TBC1D31: variants seen among roughly 807,000 people sequenced by gnomAD.
TBC1D31 encodes TBC1 domain family member 31, also known as WD repeat domain 67.
TBC1D31 carries 99 observed loss-of-function variants against 132.9 expected under a neutral mutation model. The observed-to-expected ratio is 0.74, with a 90% CI of 0.63 to 0.88. The LOEUF (loss-of-function observed/expected upper bound fraction) is 0.88. Among genes scored for constraint, TBC1D31 ranks in the 40% least tolerant of loss-of-function variants. The pLI is 0.00. For synonymous variants in TBC1D31, 385 were observed against 419.4 expected (o/e 0.92, Z 1.00); for missense variants, 1,134 against 1,256.6 (o/e 0.90, Z 1.48).
intron 18 of TBC1D31, among the ~76,000 whole-genome samples, chr8:123,141,844 C>CT (rs1160750679): frequency 0.089 from 4,636 of 51,876 alleles, 1,363 homozygotes; most frequent in East Asian, 0.098. Context: ...TTGAAGAGCT[C>CT]TTTTTTTTTT....
At chr8:123,092,873 G>A (rs541237166) in intron 4 of TBC1D31, among the ~76,000 whole-genome samples, 3 of 146,320 alleles carry the variant, frequency 2.1e-5, no homozygotes, top group Non-Finnish European at 3.0e-5. Context: ...GTGCGGTGGC[G>A]GGGTCTTGGC....
At chr8:123,073,599 A>G (rs1448016628) in intron 1 of TBC1D31, among the ~76,000 whole-genome samples, 2 of 152,208 alleles carry the variant, frequency 1.3e-5, no homozygotes, top group African/African-American at 4.8e-5. Flanking sequence ...CGATTTCTGC[A>G]CGCAGAGTGA....
intron 10 of TBC1D31, 85 bp downstream of exon 10, chr8:123,109,705 G>A: frequency 1.6e-6 from 2 of 1,278,244 alleles, no homozygotes; most frequent in Non-Finnish European, 2.2e-6. Flanking sequence ...ATAAAATATT[G>A]TTTTGTCAGT....
intron 11 of TBC1D31, among the ~76,000 whole-genome samples, chr8:123,120,935 A>G (rs546778009): frequency 1.4e-3 from 202 of 149,406 alleles, no homozygotes; most frequent in African/African-American, 4.6e-3. Context: ...ATCTTCTTGG[A>G]TATTTAGATT....
chr8:123,095,496 G>T (rs1816757627), intron 5 of TBC1D31, among the ~76,000 whole-genome samples: 1 of 152,060 alleles, frequency 6.6e-6, no homozygotes, highest in Admixed American at 6.5e-5. Flanking sequence ...GTAATGAATT[G>T]GTTTATTAGC....
chr8:123,093,904 A>G (rs1816597404), intron 5 of TBC1D31, among the ~76,000 whole-genome samples, 162 bp downstream of exon 5: 1 of 152,166 alleles, frequency 6.6e-6, no homozygotes, highest in African/African-American at 2.4e-5. Context: ...TTTGCAAAAT[A>G]TCAAATATAC....
intron 4 of TBC1D31, among the ~76,000 whole-genome samples, chr8:123,092,323 C>T (rs1816406156): frequency 6.6e-6 from 1 of 152,016 alleles, no homozygotes; most frequent in Admixed American, 6.6e-5. Context: ...CCAGGACTAA[C>T]TTTTAAAAGC....
chr8:123,119,418 G>T (rs1303536800), intron 10 of TBC1D31, among the ~76,000 whole-genome samples: 2 of 152,202 alleles, frequency 1.3e-5, no homozygotes, highest in Admixed American at 6.5e-5. Flanking sequence ...TCATGTTAAA[G>T]AAATGAAGGT....
chr8:123,161,133 G>C, the TBC1D31 span, among the ~76,000 whole-genome samples: 1 of 152,128 alleles, frequency 6.6e-6, no homozygotes, highest in East Asian at 1.9e-4. Context: ...GGGACCCGAG[G>C]GCCTCAGCCT....
rs769188817 is a variant in TBC1D31 at position 123,130,198 on chromosome 8, G to T, written c.2271G>T (p.Arg757Ser). 12 of 1,606,136 alleles carry T rather than the reference G, an allele frequency of 7.5e-6. No homozygotes were observed. Among genetic ancestry groups the T allele is most frequent in the Non-Finnish European group, 9.3e-6 (11 of 1,176,814 alleles). The stretch of plus-strand genomic sequence containing the variant: ...CCACTTGATGTATTTTGTATTTAAG[G>T]CTAGCTGCTGTGAAAAGAGAGCTGA... ...EEEKMIQQRQ[R>S]LAAVKRELKV... The change falls in exon 16 of 22, where the codon AGG becomes AGT. Residue 757 changes from arginine (R) to serine (S), a missense_variant and splice_region_variant. Physicochemically the swap from Arg to Ser is moderately radical, Grantham distance 110. Coordinates refer to ENST00000287380, the MANE Select transcript of TBC1D31 (RefSeq NM_145647.4).
Position 123,084,206 on chromosome 8 carries a change from G to C in TBC1D31, c.385G>C (p.Val129Leu), listed in dbSNP as rs1815479005. 1 of 1,614,178 alleles carries C rather than the reference G, an allele frequency of 6.2e-7. No individual in the cohort carries two copies. The highest frequency in any genetic ancestry group is 1.3e-5 in the African/African-American group (1 of 75,054). ...CTGGATGAGAGGACATGAATCATCAGTATTTTCGATCTCTGTGCATGCATC... is the reference window on the plus strand; with the variant it reads ...CTGGATGAGAGGACATGAATCATCACTATTTTCGATCTCTGTGCATGCATC... Reference protein sequence around the residue: ...VSWMRGHESSVFSISVHASGK... With the variant: ...VSWMRGHESSLFSISVHASGK... Residue 129 changes from valine (V) to leucine (L), a missense_variant, in exon 4 of 22, where the codon GTA becomes CTA. Val to Leu is a conservative substitution (Grantham distance 32). Coordinates refer to ENST00000287380, the MANE Select transcript of TBC1D31 (RefSeq NM_145647.4).
At position 123,144,818 on chromosome 8, in the gene TBC1D31, T is replaced by TG. The variant is rs1466277803; in HGVS notation, c.2938dup (p.Ala980GlyfsTer7). 1.2e-6 allele frequency: 2 copies of TG among 1,613,632 alleles called. No individual in the cohort carries two copies. The highest frequency in any genetic ancestry group is 3.3e-5 in the Admixed American group (2 of 59,908). ...AGTGGTTTTTAAAGCAAGAGATAAA[T>TG]GCGGCTGTAGAACATGCTGAAAATC... On this transcript the variant is annotated frameshift_variant, in exon 20 of 22. Transcript: ENST00000287380. LOFTEE classifies it high-confidence loss of function.
chr8:123,107,500 A>G (rs1818045707), intron 8 of TBC1D31, among the ~76,000 whole-genome samples: 1 of 152,216 alleles, frequency 6.6e-6, no homozygotes, highest in African/African-American at 2.4e-5. Context: ...ACTGAATAGC[A>G]GACACAAGCC....
intron 17 of TBC1D31, among the ~76,000 whole-genome samples, chr8:123,134,768 A>AG (rs1353698839): frequency 5.9e-5 from 9 of 152,234 alleles, no homozygotes; most frequent in African/African-American, 2.2e-4. Flanking sequence ...ATTTTGCCTC[A>AG]GGATTTTTTA....
chr8:123,110,590 A>G (rs1459689876), intron 10 of TBC1D31, among the ~76,000 whole-genome samples: 2 of 152,194 alleles, frequency 1.3e-5, no homozygotes, highest in African/African-American at 4.8e-5. Context: ...CCCAGCTTCA[A>G]CAATTGCCAA....
chr8:123,147,212 C>T (rs1234511230), intron 20 of TBC1D31, among the ~76,000 whole-genome samples: 1 of 150,096 alleles, frequency 6.7e-6, no homozygotes, highest in African/African-American at 2.5e-5. Flanking sequence ...CTCGCTTTGT[C>T]GCCAGGCTGG....
chr8:123,082,740 C>T lies in TBC1D31; in HGVS notation c.263C>T (p.Ala88Val), dbSNP rs774967786. Residue 88 changes from alanine (A) to valine (V), a missense_variant, in exon 3 of 22, where the codon GCT (alanine) becomes GTT (valine). By Grantham distance (64) the Ala-to-Val change is moderately conservative. Transcript: ENST00000287380. Reference sequence around the variant, plus strand: ...CAGCGAACAGCACAAGCTTGCACAGCTCTGGCCTTTAATCTTCGTAGGAAA... The same window carrying T: ...CAGCGAACAGCACAAGCTTGCACAGTTCTGGCCTTTAATCTTCGTAGGAAA... ...LVQRTAQACT[A>V]LAFNLRRKSE... The T allele has an allele frequency of 1.4e-4, 224 of 1,612,970 alleles. No homozygotes were observed. The highest frequency in any genetic ancestry group is 1.8e-4 in the Non-Finnish European group (217 of 1,179,956).
intron 2 of TBC1D31, among the ~76,000 whole-genome samples, 153 bp downstream of exon 2, chr8:123,077,410 C>A (rs1057311832): frequency 1.5e-5 from 2 of 137,894 alleles, no homozygotes; most frequent in Non-Finnish European, 3.3e-5. Context: ...TGCTAAAGGA[C>A]GAAAGTGGGA....
chr8:123,087,904 CGG>C (rs1200837264), intron 4 of TBC1D31, among the ~76,000 whole-genome samples: 1 of 152,106 alleles, frequency 6.6e-6, no homozygotes, highest in Non-Finnish European at 1.5e-5. Flanking sequence ...AAAACAGGAC[CGG>C]GTACGGGGGC....
Sources: gnomAD v4.1 joint callset for allele counts (sites outside exome capture counted in the v4.1 genomes callset) on GRCh38, gnomAD v4.1.1 for gene constraint, MANE v1.5 for transcripts, NCBI Gene and HGNC (gene_info 2026-07-23, HGNC 2026-07-21) for gene names.